NELL1: variants seen among roughly 807,000 people sequenced by gnomAD.
NELL1 encodes protein kinase C-binding protein NELL1.
NELL1 carries 76 observed loss-of-function variants against 107.4 expected under a neutral mutation model. The ratio of observed to expected loss-of-function variants is 0.71; its 90% CI spans 0.59 to 0.86. The LOEUF is 0.86. NELL1 is among the 40% of genes least tolerant of loss of function. The pLI is 0.00. For missense variants in NELL1, 1,024 were observed against 1,005.5 expected (o/e 1.02, Z -0.25); for synonymous variants, 353 against 341.2 (o/e 1.03, Z -0.38).
At chr11:21,181,566 T>C (rs1262400738) in intron 13 of NELL1, among the ~76,000 whole-genome samples, 2 of 151,912 alleles carry the variant, frequency 1.3e-5, no homozygotes, top group Admixed American at 6.5e-5. Flanking sequence ...ACATTAGCAA[T>C]ATGTACTGAT....
chr11:20,728,464 T>A (rs1277316927), intron 2 of NELL1, among the ~76,000 whole-genome samples: 1 of 152,186 alleles, frequency 6.6e-6, no homozygotes, highest in Admixed American at 6.5e-5. Context: ...AAATCTTTAA[T>A]CAATATTGAG....
At chr11:21,324,424 A>T (rs1358046452) in intron 14 of NELL1, among the ~76,000 whole-genome samples, 1 of 152,104 alleles carries the variant, frequency 6.6e-6, no homozygotes, top group Admixed American at 6.6e-5. Context: ...TCATAAAAGG[A>T]GTACTGTTGA....
At chr11:21,449,154 C>T (rs1853517537) in intron 15 of NELL1, among the ~76,000 whole-genome samples, 1 of 152,148 alleles carries the variant, frequency 6.6e-6, no homozygotes, top group South Asian at 2.1e-4. Context: ...AAATTGATTA[C>T]ACTATTTTGC....
chr11:20,682,556 T>A, intron 2 of NELL1, among the ~76,000 whole-genome samples: 1 of 151,970 alleles, frequency 6.6e-6, no homozygotes, highest in African/African-American at 2.4e-5. Context: ...CAGACAATTA[T>A]TAGATTAAAA....
intron 3 of NELL1, among the ~76,000 whole-genome samples, chr11:20,831,368 G>A (rs943793851): frequency 1.1e-4 from 16 of 152,234 alleles, no homozygotes; most frequent in African/African-American, 2.6e-4. Flanking sequence ...CTTCACGTTC[G>A]AGGAACACTT....
intron 12 of NELL1, among the ~76,000 whole-genome samples, chr11:21,097,135 A>G (rs75355468): frequency 0.01 from 1,566 of 151,476 alleles, 25 homozygotes; most frequent in African/African-American, 0.036. Flanking sequence ...CACTCCACTC[A>G]TCAACTCGCT....
intron 5 of NELL1, among the ~76,000 whole-genome samples, chr11:20,886,175 G>T (rs1849504244): frequency 6.6e-6 from 1 of 152,002 alleles, no homozygotes; most frequent in Non-Finnish European, 1.5e-5. Context: ...TGAGTGACTG[G>T]ACCATCCATA....
intron 2 of NELL1, among the ~76,000 whole-genome samples, chr11:20,773,192 C>T (rs1335542664): frequency 6.6e-6 from 1 of 152,216 alleles, no homozygotes; most frequent in Admixed American, 6.5e-5. Context: ...ACCTTTACTT[C>T]AGCCCCAGCT....
chr11:21,193,899 C>T (rs766650286), intron 13 of NELL1, among the ~76,000 whole-genome samples: 12 of 151,834 alleles, frequency 7.9e-5, no homozygotes, highest in Admixed American at 2.6e-4. Context: ...AAATTCTTAT[C>T]TTTGTAGATT....
chr11:20,960,634 G>C, intron 12 of NELL1, 74 bp downstream of exon 12: 1 of 1,530,668 alleles, frequency 6.5e-7, no homozygotes, highest in Non-Finnish European at 9.0e-7. Flanking sequence ...TGTGGTTAAA[G>C]AGTGAAAACT....
intron 14 of NELL1, among the ~76,000 whole-genome samples, chr11:21,339,526 A>G (rs1850514495): frequency 1.3e-5 from 2 of 151,994 alleles, no homozygotes; most frequent in South Asian, 2.1e-4. Context: ...TAACTCTCCA[A>G]ACTGGTACAT....
At chr11:21,434,825 C>A (rs1035067854) in intron 15 of NELL1, among the ~76,000 whole-genome samples, 3 of 151,830 alleles carry the variant, frequency 2.0e-5, no homozygotes, top group African/African-American at 7.3e-5. Context: ...CTGTCCTATT[C>A]CATTTTTTTG....
intron 9 of NELL1, chr11:20,935,906 C>G (rs1850714931): frequency 6.6e-6 from 1 of 152,430 alleles, no homozygotes; most frequent in Non-Finnish European, 1.5e-5. Context: ...GGTGTGGGAG[C>G]TGGGATGGAT....
chr11:21,443,040 C>CAAA (rs34085673), intron 15 of NELL1, among the ~76,000 whole-genome samples: 1 of 138,576 alleles, frequency 7.2e-6, no homozygotes, highest in Non-Finnish European at 1.5e-5. Context: ...GGGTAATTTA[C>CAAA]AAAAAAAGGA....
intron 14 of NELL1, among the ~76,000 whole-genome samples, chr11:21,288,581 G>A (rs867567524): frequency 6.6e-6 from 1 of 152,152 alleles, no homozygotes; most frequent in African/African-American, 2.4e-5. Context: ...GTGTGACATT[G>A]GATAAGTTGC....
chr11:20,848,293 G>C (rs767177780), intron 4 of NELL1, among the ~76,000 whole-genome samples: 6 of 152,204 alleles, frequency 3.9e-5, no homozygotes, highest in Non-Finnish European at 8.8e-5. Context: ...CCAGAGGAAT[G>C]AGCCTTCCAG....
intron 5 of NELL1, among the ~76,000 whole-genome samples, chr11:20,907,451 C>T (rs1850027146): frequency 6.6e-6 from 1 of 151,802 alleles, no homozygotes; most frequent in Non-Finnish European, 1.5e-5. Flanking sequence ...TACAAATGGC[C>T]AATAAGCACA....
chr11:21,497,439 G>C (rs1257269520), intron 15 of NELL1, among the ~76,000 whole-genome samples: 1 of 151,922 alleles, frequency 6.6e-6, no homozygotes, highest in African/African-American at 2.4e-5. Flanking sequence ...TATTATTTTT[G>C]TTTGACTCTC....
At chr11:21,516,809 A>ATT (rs367937806) in intron 15 of NELL1, among the ~76,000 whole-genome samples, 3 of 145,334 alleles carry the variant, frequency 2.1e-5, no homozygotes, top group South Asian at 2.2e-4. Context: ...TGGCATTGGT[A>ATT]TTTTTTTTTT....
Sources: allele counts gnomAD v4.1 joint callset (sites outside exome capture counted in the v4.1 genomes callset), GRCh38; gene constraint gnomAD v4.1.1; transcripts MANE v1.5; gene names NCBI Gene and HGNC (gene_info 2026-07-23, HGNC 2026-07-21).